The following TENM2 variants were observed in gnomAD, a reference collection of about 807,000 sequenced individuals.
The protein encoded by TENM2 is teneurin-2.
Under a neutral mutation model 245.2 loss-of-function variants are expected in TENM2, and 52 were observed. The ratio of observed to expected loss-of-function variants is 0.21; its 90% CI spans 0.17 to 0.27. TENM2 has a LOEUF of 0.27. Among genes scored for constraint, TENM2 ranks in the 10% least tolerant of loss-of-function variants. The probability of loss-of-function intolerance (pLI) is 1.00; values close to 1 mark genes in which losing one functional copy is unlikely to be tolerated. For missense variants in TENM2, 3,046 were observed against 3,666.8 expected, an observed-to-expected ratio of 0.83 and a Z score of 4.37; for synonymous variants, 1,363 against 1,438.9, an observed-to-expected ratio of 0.95 and a Z score of 1.19.
At chr5:167,758,610 C>CT (rs910638420) in intron 2 of TENM2, among the ~76,000 whole-genome samples, 1 of 151,970 alleles carries the variant, frequency 6.6e-6, no homozygotes, top group Admixed American at 6.6e-5. Context: ...ATCACTTCCA[C>CT]TTTTTTTTAG....
chr5:168,151,534 G>A (rs1442259822), intron 12 of TENM2, among the ~76,000 whole-genome samples: 2 of 152,200 alleles, frequency 1.3e-5, no homozygotes, highest in African/African-American at 2.4e-5. Flanking sequence ...TTAAATGTCA[G>A]CGACCCTCTG....
intron 9 of TENM2, among the ~76,000 whole-genome samples, chr5:168,110,039 CTTT>C (rs5873091): frequency 0.019 from 2,318 of 121,862 alleles, 56 homozygotes; most frequent in African/African-American, 0.066. Context: ...AAGAACCCTT[CTTT>C]TTTTTTTTTT....
At chr5:167,936,881 A>G (rs1561955592) in intron 3 of TENM2, among the ~76,000 whole-genome samples, 2 of 152,216 alleles carry the variant, frequency 1.3e-5, no homozygotes, top group Admixed American at 6.5e-5. Flanking sequence ...TGAGGATGTC[A>G]TCTAAATGAA....
chr5:168,137,930 A>G lies in TENM2; in HGVS notation c.2422+10964A>G, dbSNP rs551910938. ...TACAGGAAGTGTTATCGTATCCTAG[A>G]GAGAAGCCTAGCACAGACAACAGTC... On this transcript the variant is annotated intron_variant, in intron 12 of 28. Coordinates refer to ENST00000518659, the Ensembl canonical transcript of TENM2. Among the ~76,000 whole-genome samples, 10 of 152,346 alleles carry G rather than the reference A, an allele frequency of 6.6e-5. 1 individual carries two copies. The East Asian group carries it at 1.7e-3, about 26-fold the overall frequency.
At chr5:167,485,766 G>C (rs896258231) in intron 2 of TENM2, among the ~76,000 whole-genome samples, 2 of 152,192 alleles carry the variant, frequency 1.3e-5, no homozygotes, top group African/African-American at 4.8e-5. Flanking sequence ...GAGGATGGCA[G>C]AGGGTTCACA....
At chr5:167,725,940 AC>A (rs1420209324) in intron 2 of TENM2, among the ~76,000 whole-genome samples, 1 of 151,940 alleles carries the variant, frequency 6.6e-6, no homozygotes, top group Non-Finnish European at 1.5e-5. Flanking sequence ...CAAGGGCTGC[AC>A]TCCACAAACC....
intron 2 of TENM2, among the ~76,000 whole-genome samples, chr5:167,623,129 C>T (rs1156922918): frequency 6.6e-6 from 1 of 152,134 alleles, no homozygotes; most frequent in Admixed American, 6.5e-5. Flanking sequence ...AGGCTCTTAG[C>T]TCAAGAAATA....
the TENM2 span, among the ~76,000 whole-genome samples, chr5:167,234,231 A>G: frequency 6.6e-6 from 1 of 152,218 alleles, no homozygotes; most frequent in East Asian, 1.9e-4. Flanking sequence ...AAGGGAAACA[A>G]ATCAATTTTT....
chr5:167,690,212 C>T (rs1033873047), intron 2 of TENM2, among the ~76,000 whole-genome samples: 5 of 149,066 alleles, frequency 3.4e-5, no homozygotes, highest in South Asian at 2.1e-4. Flanking sequence ...CATGTCAAGC[C>T]ATTATATTGT....
chr5:168,253,419 TC>T (rs1767315636), intron 27 of TENM2, among the ~76,000 whole-genome samples: 4 of 140,880 alleles, frequency 2.8e-5, no homozygotes, highest in Admixed American at 7.6e-5. Context: ...ATAAATGCAT[TC>T]ATTATTTTAT....
At chr5:167,386,724 AC>A (rs1266747530) in intron 2 of TENM2, among the ~76,000 whole-genome samples, 3 of 152,166 alleles carry the variant, frequency 2.0e-5, no homozygotes, top group Admixed American at 6.5e-5. Flanking sequence ...TCATTCTCCT[AC>A]CTGTGGCTAG....
chr5:167,901,331 G>C (rs1775690422), intron 3 of TENM2, among the ~76,000 whole-genome samples: 1 of 152,082 alleles, frequency 6.6e-6, no homozygotes, highest in Admixed American at 6.5e-5. Context: ...ATGATTTGTG[G>C]TATAGAATTA....
At position 168,257,615 on chromosome 5, in the gene TENM2, ATTT is replaced by A. The variant is rs58911868; in HGVS notation, c.7433-2651_7433-2649del. Among the ~76,000 whole-genome samples the A allele has an allele frequency of 1.4e-3, 178 of 130,966 alleles. 2 individuals carry two copies. The highest frequency in any genetic ancestry group is 1.0e-3 in the Non-Finnish European group (63 of 61,800). The allele number at this position is 130,966 out of a possible 152,430, so 85.9% of individuals were successfully genotyped here. A position where few individuals can be genotyped will look rare whatever the true frequency, so the allele number is the denominator to read the frequency against. On this transcript the variant is annotated intron_variant, in intron 27 of 28. Coordinates refer to ENST00000518659, the Ensembl canonical transcript of TENM2. ...TCAGGAATGTCATGGGCAGCTCCTG[ATTT>A]TTTTTTTTTTTTTTTTGTGACGGAG...
chr5:167,140,546 G>T, the TENM2 span, among the ~76,000 whole-genome samples: 5 of 152,132 alleles, frequency 3.3e-5, no homozygotes, highest in African/African-American at 1.2e-4. Context: ...AGCTGCTAAT[G>T]AATTATTTCA....
At chr5:167,932,221 G>A (rs1778345839) in intron 3 of TENM2, among the ~76,000 whole-genome samples, 1 of 152,088 alleles carries the variant, frequency 6.6e-6, no homozygotes, top group African/African-American at 2.4e-5. Flanking sequence ...GACTAATGGT[G>A]AGTGGATGTA....
At chr5:167,121,026 A>C in the TENM2 span, among the ~76,000 whole-genome samples, 1 of 152,028 alleles carries the variant, frequency 6.6e-6, no homozygotes, top group Non-Finnish European at 1.5e-5. Flanking sequence ...AAATCAAACA[A>C]ACAAAACAAC....
chr5:167,090,287 T>G, the TENM2 span, among the ~76,000 whole-genome samples: 4 of 151,770 alleles, frequency 2.6e-5, no homozygotes, highest in African/African-American at 9.7e-5. Context: ...TTCAAAGGTT[T>G]TTTTTTTTTT....
chr5:167,974,417 AAGGG>A (rs1350433444), intron 4 of TENM2, among the ~76,000 whole-genome samples: 1 of 111,410 alleles, frequency 9.0e-6, no homozygotes, highest in African/African-American at 3.4e-5. Context: ...AGGAAGGAAA[AAGGG>A]AGGGAGGGGT....
intron 2 of TENM2, among the ~76,000 whole-genome samples, chr5:167,744,310 G>A (rs1561729958): frequency 6.6e-6 from 1 of 152,150 alleles, no homozygotes; most frequent in African/African-American, 2.4e-5. Flanking sequence ...CCTCACTGCT[G>A]TATCTTGATG....
Sources: gnomAD v4.1 joint callset for allele counts (sites outside exome capture counted in the v4.1 genomes callset) on GRCh38, gnomAD v4.1.1 for gene constraint, MANE v1.5 for transcripts, NCBI Gene and HGNC (gene_info 2026-07-23, HGNC 2026-07-21) for gene names.